Variants in UNC13C observed in about 807,000 individuals in gnomAD.
UNC13C encodes protein unc-13 homolog C.
A neutral mutation model predicts 245.4 loss-of-function variants in UNC13C; 174 were observed. That is an observed-to-expected ratio of 0.71 (90% CI 0.63 to 0.80). The LOEUF (loss-of-function observed/expected upper bound fraction) is 0.80. Among genes scored for constraint, UNC13C ranks in the 30% least tolerant of loss-of-function variants. The pLI is 0.00. For missense variants in UNC13C, 2,829 were observed against 2,602.9 expected, an observed-to-expected ratio of 1.09 and a Z score of -1.89; for synonymous variants, 992 against 895.1, an observed-to-expected ratio of 1.11 and a Z score of -1.93.
chr15:54,060,216 C>G (rs1440053795), intron 2 of UNC13C, among the ~76,000 whole-genome samples: 1 of 152,132 alleles, frequency 6.6e-6, no homozygotes, highest in Non-Finnish European at 1.5e-5. Flanking sequence ...GCAACCTACT[C>G]ACCTGATAGA....
At position 54,525,571 on chromosome 15, in the gene UNC13C, T is replaced by C; in HGVS notation, c.5480T>C (p.Ile1827Thr). Residue 1827 changes from isoleucine (I) to threonine (T), a missense_variant, in exon 25 of 33, where the codon ATT becomes ACT. By Grantham distance (89) the Ile-to-Thr change is moderately conservative. Transcript: ENST00000260323. ...CAGCTAGATTCTGAAGCTAGTACTA[T>C]TCTAAAAGAACTTCAGGTTAAGCTC... ...GKELDSEAST[I>T]LKELQVKLSG... 5.0e-6 allele frequency: 8 copies of C among 1,612,868 alleles called. No homozygotes were observed. The highest frequency in any genetic ancestry group is 6.8e-6 in the Non-Finnish European group (8 of 1,179,462).
At chr15:54,100,499 G>T (rs1762800759) in intron 2 of UNC13C, among the ~76,000 whole-genome samples, 1 of 151,984 alleles carries the variant, frequency 6.6e-6, no homozygotes, top group Admixed American at 6.6e-5. Context: ...CCTTTGACCT[G>T]GGCCCCTTTC....
chr15:54,118,249 A>G (rs1222455030), intron 2 of UNC13C, among the ~76,000 whole-genome samples: 8 of 152,092 alleles, frequency 5.3e-5, no homozygotes, highest in African/African-American at 1.9e-4. Context: ...TTTGGGTACT[A>G]TATTCATTTT....
At chr15:54,407,415 G>A (rs1356213983) in intron 18 of UNC13C, among the ~76,000 whole-genome samples, 2 of 152,140 alleles carry the variant, frequency 1.3e-5, no homozygotes, top group African/African-American at 4.8e-5. Context: ...TAGCTAAATA[G>A]TATTGCCATT....
At chr15:54,043,862 G>A (rs928235482) in intron 2 of UNC13C, among the ~76,000 whole-genome samples, 2 of 152,132 alleles carry the variant, frequency 1.3e-5, no homozygotes, top group Non-Finnish European at 2.9e-5. Context: ...TTTGGGCCTT[G>A]TATCACTCAC....
chr15:54,346,149 G>T (rs2038855146), intron 17 of UNC13C, among the ~76,000 whole-genome samples: 1 of 152,100 alleles, frequency 6.6e-6, no homozygotes, highest in South Asian at 2.1e-4. Context: ...TAAACCGTGA[G>T]TTTCATCTTT....
At chr15:53,885,926 T>C in the UNC13C span, among the ~76,000 whole-genome samples, 1 of 152,218 alleles carries the variant, frequency 6.6e-6, no homozygotes, top group Non-Finnish European at 1.5e-5. Flanking sequence ...TTAACAATTC[T>C]GACCCTGCTA....
At chr15:53,915,972 G>T in the UNC13C span, among the ~76,000 whole-genome samples, 8 of 151,942 alleles carry the variant, frequency 5.3e-5, no homozygotes, top group Non-Finnish European at 8.8e-5. Context: ...CATTACTTAG[G>T]GTTCTTTTGT....
intron 17 of UNC13C, among the ~76,000 whole-genome samples, chr15:54,375,856 T>G (rs1329104762): frequency 6.6e-6 from 1 of 152,234 alleles, no homozygotes; most frequent in Non-Finnish European, 1.5e-5. Context: ...CCTGGACTCT[T>G]GACCCATTAA....
chr15:54,039,910 C>G (rs1896742901), intron 2 of UNC13C, among the ~76,000 whole-genome samples: 1 of 151,780 alleles, frequency 6.6e-6, no homozygotes, highest in Non-Finnish European at 1.5e-5. Flanking sequence ...TTCCCTTGAC[C>G]CCCACCAGTA....
chr15:54,188,690 C>T (rs2034079329), intron 4 of UNC13C, among the ~76,000 whole-genome samples: 1 of 152,138 alleles, frequency 6.6e-6, no homozygotes, highest in African/African-American at 2.4e-5. Flanking sequence ...ATTTGTTAAG[C>T]ATCTGTTATG....
intron 4 of UNC13C, among the ~76,000 whole-genome samples, chr15:54,212,734 C>A (rs777605671): frequency 3.9e-5 from 6 of 152,018 alleles, no homozygotes; most frequent in Non-Finnish European, 8.8e-5. Context: ...GTTTGACAGT[C>A]GCTAGCAGAG....
chr15:54,513,152 T>C (rs2456976), intron 24 of UNC13C, among the ~76,000 whole-genome samples: 104,578 of 151,990 alleles, frequency 0.69, 36,907 homozygotes, highest in African/African-American at 0.85. Context: ...AATTAAGGAA[T>C]ATAATGTGAG....
intron 24 of UNC13C, among the ~76,000 whole-genome samples, chr15:54,517,638 A>C (rs886264005): frequency 1.3e-5 from 2 of 152,126 alleles, no homozygotes; most frequent in Non-Finnish European, 2.9e-5. Flanking sequence ...GAATATGATG[A>C]CAGAATTTAC....
At chr15:53,993,143 C>T (rs1894465366) in intron 1 of UNC13C, among the ~76,000 whole-genome samples, 1 of 152,026 alleles carries the variant, frequency 6.6e-6, no homozygotes, top group African/African-American at 2.4e-5. Context: ...TTTCTTAGGT[C>T]AGATTCCCAG....
chr15:53,857,833 C>G, the UNC13C span, among the ~76,000 whole-genome samples: 1 of 152,140 alleles, frequency 6.6e-6, no homozygotes. Flanking sequence ...TTTGGTGACA[C>G]TTCATTTATC....
In UNC13C at chr15:54,005,373, G is replaced by A. The variant is rs367565059; in HGVS notation, c.-256-7275G>A. On this transcript the variant is annotated intron_variant, in intron 1 of 32. Coordinates refer to ENST00000260323, the MANE Select transcript of UNC13C (RefSeq NM_001080534.3). ...GTTTATGAGAAAGGGCTCTAAAACC[G>A]GTCACGTTGGTTGCAATGCTGGCTG... Among the ~76,000 whole-genome samples, 11 of 152,066 alleles carry A rather than the reference G, an allele frequency of 7.2e-5. No individual in the cohort carries two copies. The East Asian group carries it at 7.7e-4, about 11-fold the overall frequency.
intron 18 of UNC13C, among the ~76,000 whole-genome samples, chr15:54,408,479 G>T (rs1470236256): frequency 6.6e-6 from 1 of 151,932 alleles, no homozygotes; most frequent in African/African-American, 2.4e-5. Context: ...GGTTTTGTGA[G>T]AAACAAATTA....
rs138571416 is a variant in UNC13C, at chr15:54,610,852, C to T, written c.6107-11475C>T. Among the ~76,000 whole-genome samples the T allele has an allele frequency of 5.5e-3, 843 of 152,304 alleles. 12 individuals are homozygous for T. The highest frequency in any genetic ancestry group is 0.02 in the African/African-American group (814 of 41,554). On this transcript the variant is annotated intron_variant, in intron 30 of 32. Transcript: ENST00000260323. ...CATACACTGCATCACTATTAGGTTT[C>T]ATCTCCAAAATTTGTGTTTCAATGA...
Sources: allele counts gnomAD v4.1 joint callset (sites outside exome capture counted in the v4.1 genomes callset), GRCh38; gene constraint gnomAD v4.1.1; transcripts MANE v1.5; gene names NCBI Gene and HGNC (gene_info 2026-07-23, HGNC 2026-07-21).